The following ADAMTSL1 variants were observed in gnomAD, a reference collection of about 807,000 sequenced individuals.
The protein encoded by ADAMTSL1 is ADAMTS like 1.
In ADAMTSL1, 126 loss-of-function variants were observed where a neutral mutation model predicts 201.8. The observed-to-expected ratio is 0.62, with a 90% CI of 0.54 to 0.72. The LOEUF (loss-of-function observed/expected upper bound fraction) is 0.72. Among genes scored for constraint, ADAMTSL1 ranks in the 30% least tolerant of loss-of-function variants. The probability of loss-of-function intolerance (pLI) is 0.00; values close to 1 mark genes in which losing one functional copy is unlikely to be tolerated. For synonymous variants in ADAMTSL1, 1,121 were observed against 903.4 expected, an observed-to-expected ratio of 1.24 and a Z score of -4.32; for missense variants, 2,679 against 2,277.8, an observed-to-expected ratio of 1.18 and a Z score of -3.59.
At chr9:18,340,933 T>A (rs1157950565) in intron 2 of ADAMTSL1, among the ~76,000 whole-genome samples, 1 of 152,116 alleles carries the variant, frequency 6.6e-6, no homozygotes, top group Non-Finnish European at 1.5e-5. Flanking sequence ...CTCTAAAATC[T>A]GTTTATTTTT....
intron 20 of ADAMTSL1, among the ~76,000 whole-genome samples, chr9:18,801,441 C>T (rs144668921): frequency 1.3e-5 from 2 of 152,236 alleles, no homozygotes; most frequent in Non-Finnish European, 2.9e-5. Context: ...AAACTCATGT[C>T]ACAGGGATTT....
chr9:18,063,193 A>T (rs1465738174), intron 1 of ADAMTSL1, among the ~76,000 whole-genome samples: 2 of 152,082 alleles, frequency 1.3e-5, no homozygotes, highest in Non-Finnish European at 2.9e-5. Flanking sequence ...AAACGTTTTT[A>T]AAAAAGTTAG....
At chr9:18,747,037 G>C (rs1330400280) in intron 15 of ADAMTSL1, among the ~76,000 whole-genome samples, 1 of 152,152 alleles carries the variant, frequency 6.6e-6, no homozygotes, top group Non-Finnish European at 1.5e-5. Flanking sequence ...TTTAGAAATA[G>C]ATCTGTCATT....
At chr9:18,871,373 T>G (rs1322655355) in intron 23 of ADAMTSL1, among the ~76,000 whole-genome samples, 1 of 152,198 alleles carries the variant, frequency 6.6e-6, no homozygotes, top group African/African-American at 2.4e-5. Context: ...CTCTTCTCTC[T>G]CAAATCATTT....
At chr9:18,126,723 A>G (rs1825745451) in intron 1 of ADAMTSL1, among the ~76,000 whole-genome samples, 7 of 152,228 alleles carry the variant, frequency 4.6e-5, no homozygotes, top group Admixed American at 4.6e-4. Context: ...ACAGGTTAAA[A>G]TCATGACTTG....
chr9:17,980,328 A>G (rs1009596849), intron 1 of ADAMTSL1, among the ~76,000 whole-genome samples: 2 of 151,426 alleles, frequency 1.3e-5, no homozygotes, highest in Non-Finnish European at 2.9e-5. Flanking sequence ...CCCCCACCAC[A>G]TCTCTTTTTA....
At chr9:18,779,735 A>G (rs1237201241) in intron 19 of ADAMTSL1, among the ~76,000 whole-genome samples, 2 of 152,220 alleles carry the variant, frequency 1.3e-5, no homozygotes, top group Non-Finnish European at 1.5e-5. Flanking sequence ...GAGGTCACTG[A>G]GTGGCAGCTC....
intron 2 of ADAMTSL1, among the ~76,000 whole-genome samples, chr9:18,197,569 G>C (rs906394733): frequency 6.9e-6 from 1 of 144,470 alleles, no homozygotes; most frequent in African/African-American, 2.6e-5. Flanking sequence ...TCAGCTTAAG[G>C]AGATTTTGGG....
At chr9:17,962,328 A>G (rs771320398) in intron 1 of ADAMTSL1, among the ~76,000 whole-genome samples, 1 of 152,144 alleles carries the variant, frequency 6.6e-6, no homozygotes, top group Non-Finnish European at 1.5e-5. Flanking sequence ...ATCACAGGAT[A>G]CCTTTTGAAC....
chr9:18,887,254 A>T (rs907350333), intron 23 of ADAMTSL1, among the ~76,000 whole-genome samples: 1 of 152,206 alleles, frequency 6.6e-6, no homozygotes, highest in Non-Finnish European at 1.5e-5. Flanking sequence ...AGATGTGTAT[A>T]ATATTGTACA....
intron 20 of ADAMTSL1, among the ~76,000 whole-genome samples, chr9:18,813,094 A>T (rs1823611774): frequency 6.6e-6 from 1 of 151,570 alleles, no homozygotes; most frequent in Admixed American, 6.6e-5. Context: ...CAGCTTCCCA[A>T]GTAGCTGGGA....
intron 5 of ADAMTSL1, among the ~76,000 whole-genome samples, chr9:18,624,505 C>G (rs555696447): frequency 6.6e-6 from 1 of 152,174 alleles, no homozygotes; most frequent in Non-Finnish European, 1.5e-5. Context: ...ATCTAGGAAT[C>G]TAGGAATTAC....
intron 2 of ADAMTSL1, among the ~76,000 whole-genome samples, chr9:18,168,199 G>T (rs1221094521): frequency 2.0e-5 from 3 of 151,666 alleles, no homozygotes; most frequent in African/African-American, 4.8e-5. Flanking sequence ...GTGCCATGTT[G>T]GTGTGCTGCA....
At chr9:18,238,411 C>T (rs1830931870) in intron 2 of ADAMTSL1, among the ~76,000 whole-genome samples, 1 of 152,124 alleles carries the variant, frequency 6.6e-6, no homozygotes, top group African/African-American at 2.4e-5. Flanking sequence ...TTTGTGCAGG[C>T]AGCAGAGTTG....
chr9:18,316,389 C>G (rs536949838), intron 2 of ADAMTSL1, among the ~76,000 whole-genome samples: 1 of 152,158 alleles, frequency 6.6e-6, no homozygotes, highest in East Asian at 1.9e-4. Context: ...TCCATTTCAC[C>G]CCTGCAGTCT....
chr9:18,827,517 C>A lies in ADAMTSL1; in HGVS notation c.4114+1054C>A, dbSNP rs975445563. 5.3e-5 allele frequency among the ~76,000 whole-genome samples: 8 copies of A among 152,290 alleles called. No individual in the cohort carries two copies. In the South Asian group the frequency reaches 1.7e-3, roughly 32 times the overall value. ...AGCCATCTTAAGAAGCCACAGAAAA[C>A]TGGCTCAGAGAAAGATGTTATTTGT... On this transcript the variant is annotated intron_variant, in intron 22 of 28. Coordinates refer to ENST00000380548, the MANE Select transcript of ADAMTSL1 (RefSeq NM_001040272.6).
At position 18,908,842 on chromosome 9, in the gene ADAMTSL1, A is replaced by C; in HGVS notation, c.*294A>C. The C allele has an allele frequency of 3.6e-6, 1 of 281,064 alleles. No homozygotes were observed. The highest frequency in any genetic ancestry group is 6.7e-6 in the Non-Finnish European group (1 of 149,718). The allele number at this position is 281,064 out of a possible 1,614,324, so 17.4% of individuals were successfully genotyped here. A position where few individuals can be genotyped will look rare whatever the true frequency, so the allele number is the denominator to read the frequency against. The stretch of plus-strand genomic sequence containing the variant: ...CCTTGAAGAGCTTCCTCCCTCCCAA[A>C]CCTGGGTCTCAAAGACCTAGAAAGA... On this transcript the variant is annotated 3_prime_UTR_variant, in exon 29 of 29. Coordinates refer to ENST00000380548, the MANE Select transcript of ADAMTSL1 (RefSeq NM_001040272.6).
At chr9:18,698,461 T>C (rs1285559910) in intron 13 of ADAMTSL1, among the ~76,000 whole-genome samples, 2 of 151,892 alleles carry the variant, frequency 1.3e-5, no homozygotes, top group Non-Finnish European at 2.9e-5. Context: ...ATTTTTTGTA[T>C]TTTTAGTAGA....
chr9:17,990,820 C>G (rs1819123966), intron 1 of ADAMTSL1, among the ~76,000 whole-genome samples: 1 of 152,100 alleles, frequency 6.6e-6, no homozygotes, highest in African/African-American at 2.4e-5. Flanking sequence ...CCTGTCCAAA[C>G]TGTGTGACCT....
Sources: gnomAD v4.1 joint callset for allele counts (sites outside exome capture counted in the v4.1 genomes callset) on GRCh38, gnomAD v4.1.1 for gene constraint, MANE v1.5 for transcripts, NCBI Gene and HGNC (gene_info 2026-07-23, HGNC 2026-07-21) for gene names.